Variants in ASTN2 observed in about 807,000 individuals in gnomAD.
ASTN2 encodes the protein astrotactin 2.
ASTN2 carries 54 observed loss-of-function variants against 139.8 expected under a neutral mutation model. The observed-to-expected ratio is 0.39, with a 90% CI of 0.31 to 0.48. The LOEUF (loss-of-function observed/expected upper bound fraction) is 0.48. Ranked by LOEUF, ASTN2 falls within the 20% of genes least tolerant of loss-of-function variation. The pLI is 0.95. For synonymous variants in ASTN2, 756 were observed against 719.5 expected (o/e 1.05, Z -0.81); for missense variants, 1,565 against 1,725.1 (o/e 0.91, Z 1.64).
chr9:116,865,341 C>A (rs10817945), intron 10 of ASTN2, among the ~76,000 whole-genome samples: 4 of 144,354 alleles, frequency 2.8e-5, no homozygotes, highest in Non-Finnish European at 6.0e-5. Flanking sequence ...TTTAGAGGAG[C>A]CTGCCTGTGG....
intron 10 of ASTN2, among the ~76,000 whole-genome samples, chr9:116,920,679 T>C (rs1455483000): frequency 6.6e-6 from 1 of 152,216 alleles, no homozygotes; most frequent in Non-Finnish European, 1.5e-5. Flanking sequence ...TACAGTTGCA[T>C]CCCATTTTCT....
intron 1 of ASTN2, among the ~76,000 whole-genome samples, chr9:117,303,351 C>G (rs1259883013): frequency 1.3e-5 from 2 of 152,140 alleles, no homozygotes; most frequent in Non-Finnish European, 2.9e-5. Context: ...GATTGGAATA[C>G]TGAGGTAGAG....
At chr9:116,531,169 A>C (rs1003549766) in intron 19 of ASTN2, among the ~76,000 whole-genome samples, 1 of 152,114 alleles carries the variant, frequency 6.6e-6, no homozygotes, top group Non-Finnish European at 1.5e-5. Flanking sequence ...GTCGATGGAA[A>C]CACTTATCAT....
intron 10 of ASTN2, among the ~76,000 whole-genome samples, chr9:116,929,264 T>C (rs894153338): frequency 1.3e-5 from 2 of 152,200 alleles, no homozygotes; most frequent in Non-Finnish European, 2.9e-5. Context: ...GTGTGGCAGA[T>C]GCAGGACGAA....
chr9:116,484,473 A>C (rs1250357183), intron 20 of ASTN2, among the ~76,000 whole-genome samples: 2 of 152,140 alleles, frequency 1.3e-5, no homozygotes, highest in African/African-American at 2.4e-5. Context: ...TTGGCTCAAG[A>C]GGAAGACGAA....
chr9:116,675,930 G>A (rs144422218), intron 16 of ASTN2, among the ~76,000 whole-genome samples: 390 of 152,306 alleles, frequency 2.6e-3, no homozygotes, highest in Non-Finnish European at 4.1e-3. Context: ...TTGACATTGC[G>A]TGCTGAACAA....
intron 1 of ASTN2, among the ~76,000 whole-genome samples, chr9:117,364,925 C>G (rs1291742129): frequency 6.7e-6 from 1 of 149,150 alleles, no homozygotes; most frequent in Non-Finnish European, 1.5e-5. Flanking sequence ...CTAGCCTAGG[C>G]AACATAGTGA....
At chr9:117,099,935 C>T (rs1157614381) in intron 4 of ASTN2, among the ~76,000 whole-genome samples, 1 of 152,196 alleles carries the variant, frequency 6.6e-6, no homozygotes, top group East Asian at 1.9e-4. Context: ...TTTGGTCTGT[C>T]TACCTGCAAA....
At chr9:116,780,074 C>A (rs1392738255) in intron 13 of ASTN2, among the ~76,000 whole-genome samples, 1 of 152,174 alleles carries the variant, frequency 6.6e-6, no homozygotes, top group Non-Finnish European at 1.5e-5. Flanking sequence ...ACAACTACAA[C>A]AGTCACTGGG....
At chr9:116,708,574 T>A (rs1338140539) in intron 16 of ASTN2, among the ~76,000 whole-genome samples, 1 of 152,118 alleles carries the variant, frequency 6.6e-6, no homozygotes, top group African/African-American at 2.4e-5. Flanking sequence ...GAAGGTTCAT[T>A]TGGCACACTC....
At chr9:116,999,610 A>G (rs1163877700) in intron 7 of ASTN2, among the ~76,000 whole-genome samples, 2 of 119,200 alleles carry the variant, frequency 1.7e-5, no homozygotes, top group African/African-American at 3.4e-5. Context: ...CCCAGGCTGG[A>G]GTGCACTGGT....
chr9:116,531,382 T>A (rs979042819), intron 19 of ASTN2, among the ~76,000 whole-genome samples: 6 of 152,234 alleles, frequency 3.9e-5, no homozygotes, highest in Admixed American at 3.9e-4. Flanking sequence ...ATTTTTTTAT[T>A]ATACTTTAAG....
At chr9:116,718,301 G>A (rs747433238) in intron 16 of ASTN2, among the ~76,000 whole-genome samples, 18 of 152,168 alleles carry the variant, frequency 1.2e-4, no homozygotes, top group Non-Finnish European at 2.2e-4. Flanking sequence ...ATGACAAAAC[G>A]GCAGAAAGCA....
chr9:116,991,534 C>T (rs955743984), intron 7 of ASTN2, among the ~76,000 whole-genome samples: 45 of 151,124 alleles, frequency 3.0e-4, no homozygotes, highest in African/African-American at 1.0e-3. Flanking sequence ...TACTTCGTAC[C>T]GATAATAATC....
chr9:116,590,596 C>T (rs963021819), intron 19 of ASTN2, among the ~76,000 whole-genome samples: 1 of 152,200 alleles, frequency 6.6e-6, no homozygotes. Flanking sequence ...CCCAGTGCAG[C>T]CCCACCTTCA....
intron 1 of ASTN2, among the ~76,000 whole-genome samples, chr9:117,367,687 A>T (rs1298311843): frequency 1.3e-5 from 2 of 152,102 alleles, no homozygotes; most frequent in Non-Finnish European, 2.9e-5. Context: ...GCTAGGATGG[A>T]TGCTTTCTAA....
At chr9:116,971,095 T>C (rs759509834) in intron 10 of ASTN2, among the ~76,000 whole-genome samples, 9 of 152,192 alleles carry the variant, frequency 5.9e-5, no homozygotes, top group Non-Finnish European at 7.3e-5. Flanking sequence ...TGTATTCCTG[T>C]GGTATATGGC....
chr9:117,127,671 G>GTTTTT (rs1829723218), intron 4 of ASTN2, among the ~76,000 whole-genome samples: 3 of 97,142 alleles, frequency 3.1e-5, no homozygotes, highest in Non-Finnish European at 6.5e-5. Context: ...TTTTTGTTTT[G>GTTTTT]GTTTTTTTTT....
intron 18 of ASTN2, among the ~76,000 whole-genome samples, chr9:116,619,568 G>A (rs547243926): frequency 1.8e-4 from 27 of 152,008 alleles, no homozygotes; most frequent in African/African-American, 6.3e-4. Flanking sequence ...CTGTCACCAG[G>A]GCTGTAGTGC....
Sources: gnomAD v4.1 joint callset for allele counts (sites outside exome capture counted in the v4.1 genomes callset) on GRCh38, gnomAD v4.1.1 for gene constraint, MANE v1.5 for transcripts, NCBI Gene and HGNC (gene_info 2026-07-23, HGNC 2026-07-21) for gene names.